Variants in DNAJC5 observed in about 807,000 individuals in gnomAD.
DNAJC5 encodes DnaJ heat shock protein family (Hsp40) member C5.
Under a neutral mutation model 23.2 loss-of-function variants are expected in DNAJC5, and 1 was observed. The observed-to-expected ratio is 0.04, with a 90% CI of 0.02 to 0.20. The LOEUF (loss-of-function observed/expected upper bound fraction) is 0.20. Among genes scored for constraint, DNAJC5 ranks in the 10% least tolerant of loss-of-function variants. The probability of loss-of-function intolerance (pLI) is 1.00; values close to 1 mark genes in which losing one functional copy is unlikely to be tolerated. For missense variants in DNAJC5, 180 were observed against 267.0 expected (o/e 0.67, Z 2.27); for synonymous variants, 136 against 120.0 (o/e 1.13, Z -0.87).
chr20:63,931,174 G>C lies in DNAJC5; in HGVS notation c.493+152G>C. On this transcript the variant is annotated intron_variant, in intron 4 of 4. Transcript: ENST00000360864. The surrounding 1 kb of genome is among the most constrained non-coding windows in gnomAD (Gnocchi z 9.6). ...CTGGGACTGTTGAGGTGTGAACGTGGACCCTGAGGTAAAGCAGGCGCATAG... is the reference window on the plus strand; with the variant it reads ...CTGGGACTGTTGAGGTGTGAACGTGCACCCTGAGGTAAAGCAGGCGCATAG... 1 of 899,412 alleles carries C rather than the reference G, an allele frequency of 1.1e-6. No individual in the cohort carries two copies. The highest frequency in any genetic ancestry group is 1.4e-5 in the South Asian group (1 of 70,830). The allele number at this position is 899,412 out of a possible 1,614,324, so 55.7% of individuals were successfully genotyped here.
chr20:63,925,582 C>T (rs1335207229), intron 1 of DNAJC5, among the ~76,000 whole-genome samples: 1 of 152,070 alleles, frequency 6.6e-6, no homozygotes, highest in Non-Finnish European at 1.5e-5. Flanking sequence ...AGTTCTTCAT[C>T]TAGTCTGAGG....
In DNAJC5 at chr20:63,931,845, G is replaced by C; in HGVS notation, c.*277G>C. The C allele has an allele frequency of 4.1e-6, 2 of 488,486 alleles. No homozygotes were observed. The highest frequency in any genetic ancestry group is 7.6e-6 in the Non-Finnish European group (2 of 264,226). The allele number at this position is 488,486 out of a possible 1,614,324, so 30.3% of individuals were successfully genotyped here. ...CATGTCTGTGTTGTGGACATTCCGCGGCATGACCGCGTGAACTGCACGGTG... is the reference window on the plus strand; with the variant it reads ...CATGTCTGTGTTGTGGACATTCCGCCGCATGACCGCGTGAACTGCACGGTG... On this transcript the variant is annotated 3_prime_UTR_variant, in exon 5 of 5. Transcript: ENST00000360864. The surrounding 1 kb of genome is among the most constrained non-coding windows in gnomAD (Gnocchi z 9.6).
chr20:63,913,655 C>A (rs1224630553), intron 1 of DNAJC5, among the ~76,000 whole-genome samples: 2 of 152,106 alleles, frequency 1.3e-5, no homozygotes, highest in African/African-American at 4.8e-5. Context: ...CTCACTGCAA[C>A]CTCCACCTCC....
At chr20:63,919,428 G>A (rs552360337) in intron 1 of DNAJC5, 30 of 487,372 alleles carry the variant, frequency 6.2e-5, no homozygotes, top group African/African-American at 3.2e-4. Context: ...ACAGCGCCAC[G>A]GAAGAGGACA....
chr20:63,927,950 T>G (rs1019225413), intron 1 of DNAJC5, among the ~76,000 whole-genome samples: 57 of 152,194 alleles, frequency 3.7e-4, no homozygotes, highest in Non-Finnish European at 6.8e-4. Context: ...TTTATTTTGT[T>G]TATTTATATA....
chr20:63,901,776 G>C (rs817372), intron 1 of DNAJC5, among the ~76,000 whole-genome samples: 52,607 of 152,134 alleles, frequency 0.35, 10,890 homozygotes, highest in East Asian at 0.81. Flanking sequence ...TATTAAATAG[G>C]ATTGTGTTTT....
At chr20:63,924,801 T>A (rs2053598659) in intron 1 of DNAJC5, among the ~76,000 whole-genome samples, 1 of 152,212 alleles carries the variant, frequency 6.6e-6, no homozygotes, top group Non-Finnish European at 1.5e-5. Context: ...GACTTAGGAT[T>A]TTTCTTCTCG....
At chr20:63,907,770 T>G (rs2053456926) in intron 1 of DNAJC5, among the ~76,000 whole-genome samples, 1 of 151,992 alleles carries the variant, frequency 6.6e-6, no homozygotes. Context: ...AATTTAGGGG[T>G]TTTTTGTTTG....
chr20:63,928,935 G>A lies in DNAJC5; in HGVS notation c.108-377G>A, dbSNP rs181035691. On this transcript the variant is annotated intron_variant, in intron 2 of 4. Transcript: ENST00000360864. The surrounding 1 kb of genome is among the most constrained non-coding windows in gnomAD (Gnocchi z 4.6). ...AGTCCTCCTCTCGTGTGCTAGCATCGTGTAGTTCATAAAACACTTCTTAAA... is the reference window on the plus strand; with the variant it reads ...AGTCCTCCTCTCGTGTGCTAGCATCATGTAGTTCATAAAACACTTCTTAAA... Among the ~76,000 whole-genome samples, 36 of 152,318 alleles carry A rather than the reference G, an allele frequency of 2.4e-4. No homozygotes were observed. The highest frequency in any genetic ancestry group is 8.4e-4 in the African/African-American group (35 of 41,570).
chr20:63,897,018 G>A (rs2053380012), intron 1 of DNAJC5, among the ~76,000 whole-genome samples: 1 of 152,140 alleles, frequency 6.6e-6, no homozygotes, highest in African/African-American at 2.4e-5. Context: ...GGTAAGGGGT[G>A]GCTTGGAAGG....
intron 1 of DNAJC5, chr20:63,908,947 C>A (rs1449545036): frequency 2.6e-5 from 4 of 150,962 alleles, no homozygotes; most frequent in African/African-American, 9.8e-5. Context: ...ATTAAAAATA[C>A]AAAAATCATA....
intron 1 of DNAJC5, among the ~76,000 whole-genome samples, chr20:63,921,807 C>T (rs866283680): frequency 6.6e-6 from 1 of 151,816 alleles, no homozygotes; most frequent in Non-Finnish European, 1.5e-5. Context: ...GAGACAGGGT[C>T]TCACTCTGTC....
chr20:63,919,460 GC>G, intron 1 of DNAJC5: 1 of 499,852 alleles, frequency 2.0e-6, no homozygotes, highest in Non-Finnish European at 4.0e-6. Context: ...GTGGACATGT[GC>G]CCAGGGCCCG....
Position 63,932,462 on chromosome 20 carries a change from C to G in DNAJC5, c.*894C>G, listed in dbSNP as rs1039167233. ...CGTTCTCCACATTCCTTCCAGCACA[C>G]CTGTCCTTTCCATAGCCCTTTTTGG... On this transcript the variant is annotated 3_prime_UTR_variant, in exon 5 of 5. Coordinates refer to ENST00000360864, the MANE Select transcript of DNAJC5 (RefSeq NM_025219.3). This position sits in a 1 kb window ranked among gnomAD's most constrained non-coding sequence, Gnocchi z 4.4. 1 of 152,864 alleles carries G rather than the reference C, an allele frequency of 6.5e-6. No individual in the cohort carries two copies. Among genetic ancestry groups the G allele is most frequent in the Non-Finnish European group, 1.5e-5 (1 of 68,218 alleles). The allele number at this position is 152,864 out of a possible 1,614,324, so 9.5% of individuals were successfully genotyped here. A position where few individuals can be genotyped will look rare whatever the true frequency, so the allele number is the denominator to read the frequency against.
At chr20:63,912,546 T>A (rs2053488868) in intron 1 of DNAJC5, among the ~76,000 whole-genome samples, 1 of 152,178 alleles carries the variant, frequency 6.6e-6, no homozygotes, top group Non-Finnish European at 1.5e-5. Context: ...ATGCTCTGAT[T>A]GTCAGTCCTT....
chr20:63,920,758 A>G lies in DNAJC5; in HGVS notation c.-11-7577A>G, dbSNP rs1204560011. 6.7e-6 allele frequency among the ~76,000 whole-genome samples: 1 copy of G among 149,770 alleles called. No homozygotes were observed. The stretch of plus-strand genomic sequence containing the variant: ...AGTGGTGAGATCTCGGCTCACTGCA[A>G]CCTCCCCCTCGAGGGTTCAAGCGAT... On this transcript the variant is annotated intron_variant, in intron 1 of 4. Transcript: ENST00000360864. The surrounding 1 kb of genome is among the most constrained non-coding windows in gnomAD (Gnocchi z 4.6).
Position 63,929,393 on chromosome 20 carries a change from G to A in DNAJC5, c.189G>A (p.Ala63=), listed in dbSNP as rs746052000. The A allele has an allele frequency of 4.0e-5, 65 of 1,614,000 alleles. No homozygotes were observed. The Middle Eastern group carries it at 6.6e-4, about 16-fold the overall frequency. ...AADKFKEINN[A]HAILTDATKR... ...ACAAGTTTAAGGAGATCAACAACGC[G>A]CACGCCATCCTCACGGACGCCACAA... Residue 63 remains alanine, a synonymous_variant, in exon 3 of 5, where the codon GCG becomes GCA. Coordinates refer to ENST00000360864, the MANE Select transcript of DNAJC5 (RefSeq NM_025219.3). The surrounding 1 kb of genome is among the most constrained non-coding windows in gnomAD (Gnocchi z 8.6).
intron 1 of DNAJC5, among the ~76,000 whole-genome samples, chr20:63,910,770 T>C (rs1249700677): frequency 1.3e-5 from 2 of 151,410 alleles, no homozygotes; most frequent in African/African-American, 2.4e-5. Flanking sequence ...CCTCCCAGGT[T>C]CAAGCGATTC....
At chr20:63,910,535 TC>T (rs2053475821) in intron 1 of DNAJC5, among the ~76,000 whole-genome samples, 1 of 148,134 alleles carries the variant, frequency 6.8e-6, no homozygotes, top group South Asian at 2.2e-4. Flanking sequence ...AGAGCGAGAC[TC>T]CCTCTCGAAA....
Sources: gnomAD v4.1 joint callset for allele counts (sites outside exome capture counted in the v4.1 genomes callset) on GRCh38, gnomAD v4.1.1 for gene constraint, Gnocchi (gnomAD v3.1) non-coding constraint, MANE v1.5 for transcripts, NCBI Gene and HGNC (gene_info 2026-07-23, HGNC 2026-07-21) for gene names.